The following GALNT13 variants were observed in gnomAD, a reference collection of about 807,000 sequenced individuals.
The protein encoded by GALNT13 is polypeptide N-acetylgalactosaminyltransferase 13.
Under a neutral mutation model 64.2 loss-of-function variants are expected in GALNT13, and 28 were observed. The ratio of observed to expected loss-of-function variants is 0.44; its 90% CI spans 0.32 to 0.60. The LOEUF is 0.60. Ranked by LOEUF, GALNT13 falls within the 20% of genes least tolerant of loss-of-function variation. The probability of loss-of-function intolerance (pLI) is 0.05; values close to 1 mark genes in which losing one functional copy is unlikely to be tolerated. For missense variants in GALNT13, 577 were observed against 669.8 expected (o/e 0.86, Z 1.53); for synonymous variants, 214 against 224.6 (o/e 0.95, Z 0.42).
intron 11 of GALNT13, among the ~76,000 whole-genome samples, chr2:154,429,777 C>A (rs1033961330): frequency 6.6e-6 from 1 of 152,158 alleles, no homozygotes; most frequent in Non-Finnish European, 1.5e-5. Context: ...CAGGCTGATT[C>A]TCTTGTTAGG....
At chr2:154,246,867 A>T (rs1689811209) in intron 7 of GALNT13, among the ~76,000 whole-genome samples, 1 of 152,056 alleles carries the variant, frequency 6.6e-6, no homozygotes, top group South Asian at 2.1e-4. Context: ...TAATGGAAGG[A>T]CATTGAACTA....
chr2:154,051,322 C>T (rs553483102), intron 3 of GALNT13, among the ~76,000 whole-genome samples: 1 of 123,190 alleles, frequency 8.1e-6, no homozygotes, highest in Admixed American at 1.1e-4. Context: ...CTCGCTCTGT[C>T]GCCCAGGCCG....
At chr2:153,364,797 A>G in the GALNT13 span, among the ~76,000 whole-genome samples, 6 of 152,344 alleles carry the variant, frequency 3.9e-5, no homozygotes, top group African/African-American at 1.2e-4. Flanking sequence ...TATCCTGAAA[A>G]TGGCCATACT....
chr2:153,906,942 CT>C lies in GALNT13; in HGVS notation c.-105+5936del, dbSNP rs1317482609. Reference sequence around the variant, plus strand: ...GACTTTTTAATGATCGCCATTCTAACTGGTGTGAGATGGTATCTCATTGTGG... The same window carrying C: ...GACTTTTTAATGATCGCCATTCTAACGGTGTGAGATGGTATCTCATTGTGG... On this transcript the variant is annotated intron_variant, in intron 2 of 12. Transcript: ENST00000392825. Among the ~76,000 whole-genome samples the C allele has an allele frequency of 3.3e-5, 5 of 151,586 alleles. No homozygotes were observed. In the East Asian group the frequency reaches 9.7e-4, roughly 29 times the overall value.
chr2:154,014,718 C>T (rs1470566393), intron 3 of GALNT13, among the ~76,000 whole-genome samples: 7 of 144,182 alleles, frequency 4.9e-5, no homozygotes, highest in South Asian at 4.7e-4. Flanking sequence ...CTGCAAGCTC[C>T]GCCTCCTGGG....
chr2:153,552,761 TA>T, the GALNT13 span, among the ~76,000 whole-genome samples: 1 of 152,108 alleles, frequency 6.6e-6, no homozygotes, highest in Non-Finnish European at 1.5e-5. Flanking sequence ...CAAGTTTTTT[TA>T]AAAGATGGTG....
At chr2:154,151,068 G>A (rs1037825852) in intron 4 of GALNT13, among the ~76,000 whole-genome samples, 7 of 152,236 alleles carry the variant, frequency 4.6e-5, no homozygotes, top group Admixed American at 2.0e-4. Flanking sequence ...TGGGCATTTA[G>A]TGCTATAAAT....
intron 9 of GALNT13, among the ~76,000 whole-genome samples, chr2:154,319,811 A>G (rs1287356760): frequency 6.6e-6 from 1 of 152,132 alleles, no homozygotes; most frequent in Non-Finnish European, 1.5e-5. Flanking sequence ...TACTCTTTTC[A>G]TTCAGTAACA....
chr2:154,454,886 A>C (rs1702011206), downstream of GALNT13, among the ~76,000 whole-genome samples: 1 of 152,108 alleles, frequency 6.6e-6, no homozygotes, highest in African/African-American at 2.4e-5. Flanking sequence ...TTTCCTTCTA[A>C]TTATCTTCAG....
chr2:153,396,052 G>A, the GALNT13 span, among the ~76,000 whole-genome samples: 2 of 152,104 alleles, frequency 1.3e-5, no homozygotes, highest in Non-Finnish European at 2.9e-5. Context: ...GTGTGGCTCT[G>A]TTTCAATATA....
At chr2:154,092,073 T>TG (rs1411291101) in intron 3 of GALNT13, among the ~76,000 whole-genome samples, 4 of 105,158 alleles carry the variant, frequency 3.8e-5, no homozygotes, top group South Asian at 3.3e-4. Flanking sequence ...GCTTCATGTC[T>TG]GGAAAAAAAA....
At chr2:153,070,510 T>G in the GALNT13 span, among the ~76,000 whole-genome samples, 1 of 152,182 alleles carries the variant, frequency 6.6e-6, no homozygotes, top group African/African-American at 2.4e-5. Context: ...TTGTGGCAAA[T>G]GTACCACACA....
chr2:153,730,069 C>T, the GALNT13 span, among the ~76,000 whole-genome samples: 1 of 151,786 alleles, frequency 6.6e-6, no homozygotes, highest in Non-Finnish European at 1.5e-5. Flanking sequence ...TGTCATTTTT[C>T]CCATGATTAG....
the GALNT13 span, among the ~76,000 whole-genome samples, chr2:153,342,942 CAT>C: frequency 6.6e-6 from 1 of 152,084 alleles, no homozygotes; most frequent in Non-Finnish European, 1.5e-5. Flanking sequence ...TAGCCTTACA[CAT>C]GTGTCAAGGA....
chr2:153,528,493 A>G, the GALNT13 span, among the ~76,000 whole-genome samples: 4 of 151,978 alleles, frequency 2.6e-5, no homozygotes, highest in Non-Finnish European at 4.4e-5. Flanking sequence ...TCAACACCCT[A>G]CTTTCAGCCC....
intron 4 of GALNT13, among the ~76,000 whole-genome samples, chr2:154,195,044 A>G (rs1686806006): frequency 6.6e-6 from 1 of 151,860 alleles, no homozygotes; most frequent in Non-Finnish European, 1.5e-5. Context: ...ATCCCCTGAC[A>G]GGTCCTGATG....
At chr2:153,515,769 C>A in the GALNT13 span, among the ~76,000 whole-genome samples, 1 of 151,946 alleles carries the variant, frequency 6.6e-6, no homozygotes, top group African/African-American at 2.4e-5. Context: ...AAAAAATGAT[C>A]CAGAAGGTGT....
chr2:154,392,107 A>G (rs995871837), intron 9 of GALNT13, among the ~76,000 whole-genome samples: 1 of 152,188 alleles, frequency 6.6e-6, no homozygotes, highest in African/African-American at 2.4e-5. Flanking sequence ...AAAGAATGAA[A>G]AAAAGTGGGG....
At chr2:154,256,761 T>C (rs1048737803) in intron 7 of GALNT13, among the ~76,000 whole-genome samples, 1 of 152,222 alleles carries the variant, frequency 6.6e-6, no homozygotes, top group African/African-American at 2.4e-5. Context: ...GTGTGGTAGG[T>C]AGTGTTCACA....
Sources: gnomAD v4.1 joint callset for allele counts (sites outside exome capture counted in the v4.1 genomes callset) on GRCh38, gnomAD v4.1.1 for gene constraint, MANE v1.5 for transcripts, NCBI Gene and HGNC (gene_info 2026-07-23, HGNC 2026-07-21) for gene names.